GPR139: variants seen among roughly 807,000 people sequenced by gnomAD.
GPR139 encodes probable G protein-coupled receptor 139.
In GPR139, 12 loss-of-function variants were observed where a neutral mutation model predicts 25.8. That is an observed-to-expected ratio of 0.47 (90% CI 0.30 to 0.75). The LOEUF (loss-of-function observed/expected upper bound fraction) is 0.75. Among genes scored for constraint, GPR139 ranks in the 30% least tolerant of loss-of-function variants. GPR139 has a pLI of 0.07. For synonymous variants in GPR139, 184 were observed against 179.9 expected (o/e 1.02, Z -0.18); for missense variants, 380 against 450.2 (o/e 0.84, Z 1.41).
intron 1 of GPR139, among the ~76,000 whole-genome samples, chr16:20,041,669 A>C (rs1260541802): frequency 6.6e-6 from 1 of 152,150 alleles, no homozygotes; most frequent in Non-Finnish European, 1.5e-5. Context: ...GTGGTCTCCT[A>C]GGAGAGAAGC....
intron 1 of GPR139, among the ~76,000 whole-genome samples, chr16:20,062,033 T>G (rs2057416072): frequency 6.6e-6 from 1 of 152,186 alleles, no homozygotes; most frequent in Non-Finnish European, 1.5e-5. Flanking sequence ...TTTGGGAGAC[T>G]GAAGCAGGAG....
chr16:20,066,224 G>A (rs2057433554), intron 1 of GPR139, among the ~76,000 whole-genome samples: 1 of 152,204 alleles, frequency 6.6e-6, no homozygotes, highest in South Asian at 2.1e-4. Context: ...GCTGGCATTG[G>A]CTATCACCAT....
intron 1 of GPR139, among the ~76,000 whole-genome samples, chr16:20,052,160 TTC>T (rs924518425): frequency 6.6e-6 from 1 of 152,190 alleles, no homozygotes; most frequent in African/African-American, 2.4e-5. Flanking sequence ...TTCTCTCCTC[TTC>T]TAACACTTCC....
intron 1 of GPR139, among the ~76,000 whole-genome samples, chr16:20,050,659 T>C (rs936288588): frequency 6.6e-5 from 10 of 152,210 alleles, no homozygotes; most frequent in African/African-American, 2.4e-4. Flanking sequence ...GGTAGAGAAG[T>C]AACAGTCCCT....
chr16:20,032,694 TA>T (rs772320277), intron 1 of GPR139, 25 bp from the exon 2 acceptor site: 2 of 1,568,016 alleles, frequency 1.3e-6, no homozygotes, highest in South Asian at 2.3e-5. Flanking sequence ...AAAACTGGTT[TA>T]GCTCTGAAGC....
intron 1 of GPR139, among the ~76,000 whole-genome samples, chr16:20,071,759 C>G (rs2141217567): frequency 6.6e-6 from 1 of 152,238 alleles, no homozygotes; most frequent in South Asian, 2.1e-4. Context: ...CTAAGTTTTT[C>G]CTCATTTTCT....
chr16:20,037,996 G>A (rs1002497682), intron 1 of GPR139, among the ~76,000 whole-genome samples: 4 of 151,702 alleles, frequency 2.6e-5, no homozygotes, highest in African/African-American at 7.3e-5. Flanking sequence ...GAGTAGCTGG[G>A]ATTAGAGGCA....
At chr16:20,041,255 GGAGAAA>G (rs2057334287) in intron 1 of GPR139, among the ~76,000 whole-genome samples, 1 of 896 alleles carries the variant, frequency 1.1e-3, no homozygotes, top group Non-Finnish European at 2.8e-3. Flanking sequence ...GGAGAGGGAA[GGAGAAA>G]AGAAAAGCAT....
At chr16:20,047,331 G>A (rs547721005) in intron 1 of GPR139, among the ~76,000 whole-genome samples, 45 of 152,182 alleles carry the variant, frequency 3.0e-4, no homozygotes, top group Non-Finnish European at 4.0e-4. Flanking sequence ...GGCTGGTCTC[G>A]AACTCCTGAC....
intron 1 of GPR139, among the ~76,000 whole-genome samples, chr16:20,039,946 A>G (rs1053247690): frequency 2.6e-5 from 4 of 152,194 alleles, no homozygotes. Flanking sequence ...CTGATACTGC[A>G]TGACTTCTAA....
intron 1 of GPR139, among the ~76,000 whole-genome samples, chr16:20,064,445 G>T (rs1473941254): frequency 6.6e-6 from 1 of 152,166 alleles, no homozygotes; most frequent in Non-Finnish European, 1.5e-5. Flanking sequence ...TGAGGCAGGA[G>T]GATCACTTGA....
At chr16:20,060,595 C>A (rs892641742) in intron 1 of GPR139, among the ~76,000 whole-genome samples, 2 of 152,118 alleles carry the variant, frequency 1.3e-5, no homozygotes, top group African/African-American at 4.8e-5. Context: ...CCAGCTCTAC[C>A]CATGTTTGTC....
intron 1 of GPR139, among the ~76,000 whole-genome samples, chr16:20,042,812 T>C (rs1567236352): frequency 6.6e-6 from 1 of 152,156 alleles, no homozygotes; most frequent in Non-Finnish European, 1.5e-5. Context: ...TTCTGTTTCT[T>C]TGTATCTCCC....
At position 20,073,751 on chromosome 16, in the gene GPR139, C is replaced by T; in HGVS notation, c.-135G>A. On this transcript the variant is annotated 5_prime_UTR_variant, in exon 1 of 2. Coordinates refer to ENST00000570682, the MANE Select transcript of GPR139 (RefSeq NM_001002911.4). This position sits in a 1 kb window ranked among gnomAD's most constrained non-coding sequence, Gnocchi z 4.7. Reference sequence around the variant, plus strand: ...GCCTCTCTCCCCGCAGGACTGGCTCCTACCCTTGGCCGTGATCCCCTCTGC... The same window carrying T: ...GCCTCTCTCCCCGCAGGACTGGCTCTTACCCTTGGCCGTGATCCCCTCTGC... The T allele has an allele frequency of 8.6e-7, 1 of 1,158,554 alleles. No individual in the cohort carries two copies. Among genetic ancestry groups the T allele is most frequent in the African/African-American group, 1.6e-5 (1 of 62,452 alleles). 71.8% of individuals were successfully genotyped at this position (1,158,554 alleles called of 1,614,324 possible).
intron 1 of GPR139, among the ~76,000 whole-genome samples, chr16:20,068,344 C>T (rs1480627747): frequency 2.0e-5 from 3 of 151,076 alleles, no homozygotes; most frequent in African/African-American, 7.3e-5. Flanking sequence ...AATGTGAATT[C>T]TTCTGGTGTT....
chr16:20,051,604 C>A (rs987051169), intron 1 of GPR139, among the ~76,000 whole-genome samples: 5 of 152,146 alleles, frequency 3.3e-5, no homozygotes, highest in Non-Finnish European at 5.9e-5. Context: ...GTACCTCCAG[C>A]CCAAGCACAC....
At chr16:20,066,155 G>A (rs572313592) in intron 1 of GPR139, among the ~76,000 whole-genome samples, 62 of 152,290 alleles carry the variant, frequency 4.1e-4, no homozygotes, top group African/African-American at 1.4e-3. Context: ...TGACTGCTCC[G>A]TTTAAATATT....
intron 1 of GPR139, among the ~76,000 whole-genome samples, chr16:20,038,698 T>C (rs527311111): frequency 5.9e-5 from 9 of 152,112 alleles, no homozygotes; most frequent in African/African-American, 2.2e-4. Flanking sequence ...GAAAGAAGTG[T>C]GAGCTGAGGA....
chr16:20,045,005 T>G (rs2057349453), intron 1 of GPR139, among the ~76,000 whole-genome samples: 1 of 149,498 alleles, frequency 6.7e-6, no homozygotes, highest in African/African-American at 2.5e-5. Flanking sequence ...TTTTTTTTTT[T>G]TTTTTTTTTT....
Sources: gnomAD v4.1 joint callset for allele counts (sites outside exome capture counted in the v4.1 genomes callset) on GRCh38, gnomAD v4.1.1 for gene constraint, Gnocchi (gnomAD v3.1) non-coding constraint, MANE v1.5 for transcripts, NCBI Gene and HGNC (gene_info 2026-07-23, HGNC 2026-07-21) for gene names.